ABLIM1: variants seen among roughly 807,000 people sequenced by gnomAD.
ABLIM1 encodes actin-binding LIM protein 1.
ABLIM1 carries 40 observed loss-of-function variants against 107.0 expected under a neutral mutation model. That is an observed-to-expected ratio of 0.37 (90% CI 0.29 to 0.49). The LOEUF (loss-of-function observed/expected upper bound fraction) is 0.49. ABLIM1 is among the 20% of genes least tolerant of loss of function. The pLI is 0.97. For missense variants in ABLIM1, 857 were observed against 1,008.5 expected (o/e 0.85, Z 2.04); for synonymous variants, 357 against 357.3 (o/e 1.00, Z 0.01).
chr10:114,693,382 A>C (rs2081124688), intron 1 of ABLIM1, among the ~76,000 whole-genome samples: 1 of 150,750 alleles, frequency 6.6e-6, no homozygotes, highest in African/African-American at 2.4e-5. Flanking sequence ...TGTGAGTGTA[A>C]GTGACTACAG....
intron 4 of ABLIM1, among the ~76,000 whole-genome samples, chr10:114,550,197 G>A (rs181654967): frequency 6.6e-6 from 1 of 152,082 alleles, no homozygotes; most frequent in East Asian, 1.9e-4. Flanking sequence ...GGTCATAAAA[G>A]ATTAAGCATT....
chr10:114,441,938 T>G (rs2060260431), intron 17 of ABLIM1, 152 bp from the exon 18 acceptor site: 1 of 689,750 alleles, frequency 1.4e-6, no homozygotes, highest in South Asian at 1.9e-5. Context: ...TGCCATCATA[T>G]TTGCAAGGAG....
At chr10:114,747,750 C>A (rs2082414240) in intron 1 of ABLIM1, among the ~76,000 whole-genome samples, 1 of 152,228 alleles carries the variant, frequency 6.6e-6, no homozygotes, top group Admixed American at 6.5e-5. Flanking sequence ...TATTTAAAAG[C>A]CATTGAAGCC....
intron 1 of ABLIM1, among the ~76,000 whole-genome samples, chr10:114,734,899 A>C (rs1207033921): frequency 6.6e-6 from 1 of 152,194 alleles, no homozygotes; most frequent in African/African-American, 2.4e-5. Context: ...TAAATAGCTA[A>C]TAATTAAGTA....
At chr10:114,720,674 G>T (rs988104219) in intron 1 of ABLIM1, among the ~76,000 whole-genome samples, 1 of 151,880 alleles carries the variant, frequency 6.6e-6, no homozygotes, top group Non-Finnish European at 1.5e-5. Flanking sequence ...CCTTGTTGAC[G>T]ATTTTTAGCC....
chr10:114,476,407 C>T (rs1054070147), intron 8 of ABLIM1, among the ~76,000 whole-genome samples: 11 of 152,092 alleles, frequency 7.2e-5, no homozygotes, highest in South Asian at 6.2e-4. Flanking sequence ...TTTGGGAGGC[C>T]GAGGCGGGTG....
intron 13 of ABLIM1, 48 bp from the exon 14 acceptor site, chr10:114,451,719 C>A: frequency 6.6e-7 from 1 of 1,506,726 alleles, no homozygotes; most frequent in Non-Finnish European, 9.1e-7. Context: ...ACCAGTTCAG[C>A]GATGGGAAAA....
chr10:114,440,224 C>T, intron 19 of ABLIM1, 135 bp from the exon 20 acceptor site: 4 of 886,584 alleles, frequency 4.5e-6, no homozygotes, highest in South Asian at 4.5e-5. Context: ...CTCCCAGACT[C>T]TGCACATGTT....
chr10:114,615,151 C>T (rs2077050732), intron 1 of ABLIM1, among the ~76,000 whole-genome samples: 1 of 152,090 alleles, frequency 6.6e-6, no homozygotes, highest in Non-Finnish European at 1.5e-5. Context: ...TGCCATGCAA[C>T]AACCAGAATG....
chr10:114,492,261 C>T (rs1363770326), intron 6 of ABLIM1, among the ~76,000 whole-genome samples: 1 of 152,028 alleles, frequency 6.6e-6, no homozygotes, highest in Non-Finnish European at 1.5e-5. Context: ...AATAAATGAC[C>T]CTTATATTTA....
chr10:114,680,705 A>T (rs1276085280), intron 1 of ABLIM1, among the ~76,000 whole-genome samples: 1 of 152,210 alleles, frequency 6.6e-6, no homozygotes, highest in Non-Finnish European at 1.5e-5. Context: ...ACATCTTTAG[A>T]TGATGACATC....
At chr10:114,660,353 C>T (rs2079735068), upstream of ABLIM1, among the ~76,000 whole-genome samples, 1 of 152,072 alleles carries the variant, frequency 6.6e-6, no homozygotes, top group East Asian at 1.9e-4. Context: ...GTGTACACTG[C>T]TAGGGTGATG....
chr10:114,706,938 C>T (rs1442986664), intron 1 of ABLIM1, among the ~76,000 whole-genome samples: 5 of 152,004 alleles, frequency 3.3e-5, no homozygotes, highest in African/African-American at 1.2e-4. Context: ...GCCTGGAAGG[C>T]ATCATTAATA....
At chr10:114,686,416 G>A (rs538796957), upstream of ABLIM1, among the ~76,000 whole-genome samples, 7 of 151,982 alleles carry the variant, frequency 4.6e-5, no homozygotes, top group East Asian at 1.4e-3. Context: ...AGGAGGCTGA[G>A]GCAGGAGGAT....
At position 114,467,940 on chromosome 10, in the gene ABLIM1, G is replaced by A. The variant is rs373346377; in HGVS notation, c.1311+241C>T. Among the ~76,000 whole-genome samples, 63 of 152,284 alleles carry A rather than the reference G, an allele frequency of 4.1e-4. 1 individual carries two copies. In the South Asian group the frequency reaches 0.013, roughly 31 times the overall value. ...GCAGACACTTTGCTTCCACTTACAGGCACAGACACAGATTAAAGTGAGGCC... is the reference window on the plus strand; with the variant it reads ...GCAGACACTTTGCTTCCACTTACAGACACAGACACAGATTAAAGTGAGGCC... On this transcript the variant is annotated intron_variant, in intron 11 of 22. Transcript: ENST00000533213.
At chr10:114,530,355 G>A (rs2065320488) in intron 6 of ABLIM1, among the ~76,000 whole-genome samples, 1 of 152,070 alleles carries the variant, frequency 6.6e-6, no homozygotes, top group Non-Finnish European at 1.5e-5. Context: ...AAATACTGAT[G>A]AAGGCCCAGT....
At chr10:114,797,091 C>T in the ABLIM1 span, among the ~76,000 whole-genome samples, 2 of 152,222 alleles carry the variant, frequency 1.3e-5, no homozygotes, top group Non-Finnish European at 2.9e-5. Context: ...CTCACCGTAA[C>T]TTCCTATTCT....
intron 8 of ABLIM1, 82 bp from the exon 9 acceptor site, chr10:114,474,038 A>G: frequency 9.8e-7 from 1 of 1,015,342 alleles, no homozygotes; most frequent in Non-Finnish European, 1.5e-6. Flanking sequence ...GCTTTACTAA[A>G]AACTCAGCTA....
chr10:114,498,909 G>A (rs753030839), intron 6 of ABLIM1, among the ~76,000 whole-genome samples: 11 of 152,174 alleles, frequency 7.2e-5, no homozygotes, highest in African/African-American at 1.2e-4. Flanking sequence ...CAGTCATTGT[G>A]GGCTGAAGTT....
Sources: gnomAD v4.1 joint callset for allele counts (sites outside exome capture counted in the v4.1 genomes callset) on GRCh38, gnomAD v4.1.1 for gene constraint, MANE v1.5 for transcripts, NCBI Gene and HGNC (gene_info 2026-07-23, HGNC 2026-07-21) for gene names.